CRTC3: variants seen among roughly 807,000 people sequenced by gnomAD.
The protein encoded by CRTC3 is CREB regulated transcription coactivator 3.
In CRTC3, 26 loss-of-function variants were observed where a neutral mutation model predicts 74.5. The observed-to-expected ratio is 0.35, with a 90% CI of 0.26 to 0.48. The LOEUF is 0.48. Ranked by LOEUF, CRTC3 falls within the 20% of genes least tolerant of loss-of-function variation. The pLI, the probability that CRTC3 is intolerant of heterozygous loss-of-function variation, is 0.99. For missense variants in CRTC3, 760 were observed against 787.3 expected, an observed-to-expected ratio of 0.97 and a Z score of 0.41; for synonymous variants, 377 against 325.8, an observed-to-expected ratio of 1.16 and a Z score of -1.69.
At chr15:90,550,841 G>A (rs1966854344) in intron 2 of CRTC3, among the ~76,000 whole-genome samples, 1 of 150,882 alleles carries the variant, frequency 6.6e-6, no homozygotes. Flanking sequence ...ATCAGAAACG[G>A]GTTTGTAGGG....
rs892859350 is a variant in CRTC3, at chr15:90,564,898, TAACC to T, written c.231+24766_231+24769del. On this transcript the variant is annotated intron_variant, in intron 2 of 14. Coordinates refer to ENST00000268184, the MANE Select transcript of CRTC3 (RefSeq NM_022769.5). ...ATTACAAGCCTTGTGTTCAACAATT[TAACC>T]AACCTTCCTTCCTTCCTTCCTTCCT... 3.5e-5 allele frequency among the ~76,000 whole-genome samples: 5 copies of T among 142,622 alleles called. No homozygotes were observed. The Admixed American group carries it at 3.5e-4, about 10-fold the overall frequency. The allele number at this position is 142,622 out of a possible 152,430, so 93.6% of individuals were successfully genotyped here. A position where few individuals can be genotyped will look rare whatever the true frequency, so the allele number is the denominator to read the frequency against.
intron 2 of CRTC3, among the ~76,000 whole-genome samples, chr15:90,580,701 T>G (rs1967519509): frequency 6.6e-6 from 1 of 152,190 alleles, no homozygotes; most frequent in Admixed American, 6.5e-5. Context: ...GTGCTGTGAT[T>G]ATAGGCGTGA....
chr15:90,634,588 T>G (rs930147310), intron 11 of CRTC3: 20 of 433,336 alleles, frequency 4.6e-5, no homozygotes, highest in African/African-American at 4.0e-4. Context: ...CTCTGGCCTC[T>G]GACTTTCACG....
rs11856388 is a variant in CRTC3, at chr15:90,627,136, G to T, written c.967+1143G>T. Among the ~76,000 whole-genome samples the T allele has an allele frequency of 2.8e-4, 43 of 152,230 alleles. No individual in the cohort carries two copies. In the East Asian group the frequency reaches 3.9e-3, roughly 14 times the overall value. On this transcript the variant is annotated intron_variant, in intron 10 of 14. Transcript: ENST00000268184. ...CCCAAATGAGAGTGGTCCCCTTCAG[G>T]GGGGGTCACCTGGAAGTTTTTCTAA...
intron 1 of CRTC3, among the ~76,000 whole-genome samples, chr15:90,537,988 G>A (rs963754833): frequency 6.6e-6 from 1 of 152,196 alleles, no homozygotes; most frequent in African/African-American, 2.4e-5. Context: ...TTGAGGGCAG[G>A]TCCCTATCTG....
At chr15:90,601,035 A>G (rs1968055367) in intron 3 of CRTC3, among the ~76,000 whole-genome samples, 1 of 152,224 alleles carries the variant, frequency 6.6e-6, no homozygotes, top group Admixed American at 6.5e-5. Flanking sequence ...CAAATTGTGG[A>G]TCACCGCAAT....
At chr15:90,556,377 C>A (rs1966890892) in intron 2 of CRTC3, among the ~76,000 whole-genome samples, 1 of 152,092 alleles carries the variant, frequency 6.6e-6, no homozygotes, top group African/African-American at 2.4e-5. Context: ...TACTTTTTGG[C>A]AATGATATTT....
intron 3 of CRTC3, chr15:90,598,109 G>C (rs1455509373): frequency 3.5e-6 from 1 of 283,772 alleles, no homozygotes; most frequent in Non-Finnish European, 6.7e-6. Flanking sequence ...TCTCAGGCCT[G>C]CCCCACAAAC....
chr15:90,574,132 A>G (rs1256571443), intron 2 of CRTC3, among the ~76,000 whole-genome samples: 2 of 152,236 alleles, frequency 1.3e-5, no homozygotes, highest in Non-Finnish European at 2.9e-5. Context: ...TAATTTATTC[A>G]GCTAGTTCCC....
chr15:90,545,169 A>G (rs1179584551), intron 2 of CRTC3, among the ~76,000 whole-genome samples: 3 of 152,140 alleles, frequency 2.0e-5, no homozygotes, highest in Admixed American at 6.5e-5. Flanking sequence ...ATAGTCTGTG[A>G]CATGATTTCC....
At chr15:90,580,318 TCA>T (rs1249392186) in intron 2 of CRTC3, among the ~76,000 whole-genome samples, 7 of 152,288 alleles carry the variant, frequency 4.6e-5, no homozygotes, top group Admixed American at 1.3e-4. Flanking sequence ...CTCCTAAGGC[TCA>T]CAGAGTGGTT....
chr15:90,601,708 T>C (rs981645532), intron 3 of CRTC3, among the ~76,000 whole-genome samples: 1 of 152,044 alleles, frequency 6.6e-6, no homozygotes, highest in African/African-American at 2.4e-5. Flanking sequence ...AAAGAAAATG[T>C]ATTGGCATAT....
rs891775739 is a variant in CRTC3 at position 90,644,970 on chromosome 15, G to C, written c.*2830G>C. On this transcript the variant is annotated 3_prime_UTR_variant, in exon 15 of 15. Transcript: ENST00000268184. ...TGGGTTTTAGGACATAGGGGGTTAGGAGAAGGGGTTTCTTGATCATGTCAT... is the reference window on the plus strand; with the variant it reads ...TGGGTTTTAGGACATAGGGGGTTAGCAGAAGGGGTTTCTTGATCATGTCAT... The C allele has an allele frequency of 7.7e-5, 18 of 232,352 alleles. No individual in the cohort carries two copies. In the East Asian group the frequency reaches 1.1e-3, roughly 14 times the overall value. 14.4% of individuals were successfully genotyped at this position (232,352 alleles called of 1,614,324 possible).
At position 90,643,242 on chromosome 15, in the gene CRTC3, C is replaced by A. The variant is rs755671369; in HGVS notation, c.*1102C>A. 3.9e-5 allele frequency: 9 copies of A among 232,428 alleles called. No individual in the cohort carries two copies. Among genetic ancestry groups the A allele is most frequent in the Admixed American group, 1.1e-4 (2 of 17,754 alleles). 14.4% of individuals were successfully genotyped at this position (232,428 alleles called of 1,614,324 possible). A position where few individuals can be genotyped will look rare whatever the true frequency, so the allele number is the denominator to read the frequency against. On this transcript the variant is annotated 3_prime_UTR_variant, in exon 15 of 15. Coordinates refer to ENST00000268184, the MANE Select transcript of CRTC3 (RefSeq NM_022769.5). ...TGATGAATGAGTGCGTCCGCCATGC[C>A]GTAAGGCAGGCTCACCTGTAGCTAT...
chr15:90,530,602 A>C lies in CRTC3; in HGVS notation c.132+399A>C, dbSNP rs1313381862. 2 of 152,080 alleles carry C rather than the reference A, an allele frequency of 1.3e-5. No individual in the cohort carries two copies. The highest frequency in any genetic ancestry group is 4.8e-5 in the African/African-American group (2 of 41,338). 9.4% of individuals were successfully genotyped at this position (152,080 alleles called of 1,614,324 possible). A position where few individuals can be genotyped will look rare whatever the true frequency, so the allele number is the denominator to read the frequency against. Reference sequence around the variant, plus strand: ...TCGCTCCGAACATCCCCCACCATCGAGCCCTGCTGTTCTGCCGGCGTGGAA... The same window carrying C: ...TCGCTCCGAACATCCCCCACCATCGCGCCCTGCTGTTCTGCCGGCGTGGAA... On this transcript the variant is annotated intron_variant, in intron 1 of 14. Coordinates refer to ENST00000268184, the MANE Select transcript of CRTC3 (RefSeq NM_022769.5). This position sits in a 1 kb window ranked among gnomAD's most constrained non-coding sequence, Gnocchi z 6.2.
chr15:90,558,433 C>G (rs1410804832), intron 2 of CRTC3, among the ~76,000 whole-genome samples: 1 of 152,166 alleles, frequency 6.6e-6, no homozygotes. Context: ...TGCAGGCAGT[C>G]CCTGTAGGGC....
intron 7 of CRTC3, 97 bp from the exon 8 acceptor site, chr15:90,617,786 C>T (rs530567159): frequency 7.8e-6 from 6 of 770,976 alleles, no homozygotes; most frequent in African/African-American, 5.1e-5. Context: ...CTGCCTCAGC[C>T]CCATAAAGTG....
chr15:90,577,802 A>G (rs1275236058), intron 2 of CRTC3, among the ~76,000 whole-genome samples: 2 of 152,244 alleles, frequency 1.3e-5, no homozygotes, highest in African/African-American at 4.8e-5. Flanking sequence ...TCTCACTCAT[A>G]TGTCGGAGCT....
At chr15:90,632,696 C>A (rs1969084037) in intron 11 of CRTC3, among the ~76,000 whole-genome samples, 1 of 152,162 alleles carries the variant, frequency 6.6e-6, no homozygotes, top group African/African-American at 2.4e-5. Context: ...CCTCCACCTC[C>A]CAGGTTCAAG....
Sources: gnomAD v4.1 joint callset for allele counts (sites outside exome capture counted in the v4.1 genomes callset) on GRCh38, gnomAD v4.1.1 for gene constraint, Gnocchi (gnomAD v3.1) non-coding constraint, MANE v1.5 for transcripts, NCBI Gene and HGNC (gene_info 2026-07-23, HGNC 2026-07-21) for gene names.